SCLY: variants seen among roughly 807,000 people sequenced by gnomAD.
SCLY encodes the protein selenocysteine lyase.
A neutral mutation model predicts 50.1 loss-of-function variants in SCLY; 38 were observed. The observed-to-expected ratio is 0.76, with a 90% CI of 0.59 to 0.99. The LOEUF (loss-of-function observed/expected upper bound fraction) is 0.99, where lower values mean the gene tolerates loss of function less well. Ranked by LOEUF, SCLY falls within the 50% of genes least tolerant of loss-of-function variation. The pLI is 0.00. For missense variants in SCLY, 600 were observed against 620.0 expected, an observed-to-expected ratio of 0.97 and a Z score of 0.34; for synonymous variants, 243 against 249.4, an observed-to-expected ratio of 0.97 and a Z score of 0.24.
At chr2:238,091,552 T>TA in intron 8 of SCLY, 26 of 308,604 alleles carry the variant, frequency 8.4e-5, no homozygotes, top group East Asian at 2.5e-4. Flanking sequence ...AGGTTCACCA[T>TA]TCCCAAAGGC....
chr2:238,083,165 G>A lies in SCLY; in HGVS notation c.778-83G>A, dbSNP rs2065255874. ...CTATGCATTGCAGAGCATTTCTCCT[G>A]TGTGCCCCTAAGCACTTAGCATGTA... On this transcript the variant is annotated intron_variant, in intron 6 of 11. Transcript: ENST00000254663. This position sits in a 1 kb window ranked among gnomAD's most constrained non-coding sequence, Gnocchi z 4.3. 1.0e-6 allele frequency: 1 copy of A among 956,942 alleles called. No homozygotes were observed. Among genetic ancestry groups the A allele is most frequent in the East Asian group, 2.4e-5 (1 of 41,630 alleles). The allele number at this position is 956,942 out of a possible 1,614,324, so 59.3% of individuals were successfully genotyped here. A position where few individuals can be genotyped will look rare whatever the true frequency, so the allele number is the denominator to read the frequency against.
intron 11 of SCLY, 119 bp from the exon 12 acceptor site, chr2:238,098,083 G>A (rs746759045): frequency 2.3e-4 from 278 of 1,211,760 alleles, no homozygotes; most frequent in Non-Finnish European, 2.9e-4. Flanking sequence ...GATGCCAGGC[G>A]AGGCAGGCGC....
At chr2:238,062,017 T>G (rs552969534) in intron 1 of SCLY, among the ~76,000 whole-genome samples, 2 of 152,286 alleles carry the variant, frequency 1.3e-5, no homozygotes, top group African/African-American at 4.8e-5. Flanking sequence ...AGTGAAGGGA[T>G]CTGGGAAAAT....
intron 7 of SCLY, among the ~76,000 whole-genome samples, chr2:238,089,944 T>G (rs1390568485): frequency 6.6e-6 from 1 of 152,162 alleles, no homozygotes; most frequent in Admixed American, 6.5e-5. Flanking sequence ...ATTTAAAGCT[T>G]TTGCTCTGGG....
At chr2:238,070,410 G>A (rs1224016862) in intron 4 of SCLY, among the ~76,000 whole-genome samples, 3 of 152,146 alleles carry the variant, frequency 2.0e-5, no homozygotes, top group African/African-American at 7.2e-5. Context: ...TGGGCGCAGT[G>A]GCTCAAGCCT....
intron 4 of SCLY, among the ~76,000 whole-genome samples, chr2:238,071,610 C>G (rs2065128785): frequency 6.6e-6 from 1 of 152,040 alleles, no homozygotes; most frequent in South Asian, 2.1e-4. Context: ...GACACTGTCT[C>G]CAAAACAAAA....
At chr2:238,071,052 G>A (rs1451005138) in intron 4 of SCLY, among the ~76,000 whole-genome samples, 1 of 151,912 alleles carries the variant, frequency 6.6e-6, no homozygotes, top group Non-Finnish European at 1.5e-5. Flanking sequence ...GGCTGCTCTT[G>A]AACTCCTGAC....
rs2065110594 is a variant in SCLY at position 238,069,877 on chromosome 2, TG to T, written c.484+402del. 2 of 158,616 alleles carry T rather than the reference TG, an allele frequency of 1.3e-5. No homozygotes were observed. The highest frequency in any genetic ancestry group is 4.8e-5 in the African/African-American group (2 of 41,696). The allele number at this position is 158,616 out of a possible 1,614,324, so 9.8% of individuals were successfully genotyped here. A position where few individuals can be genotyped will look rare whatever the true frequency, so the allele number is the denominator to read the frequency against. Reference sequence around the variant, plus strand: ...TAGGCAAATGATGCTTGTCATTATTTGGTTTTCATCATAAAATCTCAGCTCC... The same window carrying T: ...TAGGCAAATGATGCTTGTCATTATTTGTTTTCATCATAAAATCTCAGCTCC... On this transcript the variant is annotated intron_variant, in intron 4 of 11. Transcript: ENST00000254663. This position sits in a 1 kb window ranked among gnomAD's most constrained non-coding sequence, Gnocchi z 5.0.
At chr2:238,090,990 A>G (rs1007020037) in intron 7 of SCLY, among the ~76,000 whole-genome samples, 9 of 152,260 alleles carry the variant, frequency 5.9e-5, no homozygotes, top group African/African-American at 1.9e-4. Flanking sequence ...TGAACACCCA[A>G]CACATCACCC....
Position 238,069,148 on chromosome 2 carries a change from A to G in SCLY, c.304-149A>G, listed in dbSNP as rs1009001702. 1.5e-6 allele frequency: 1 copy of G among 664,802 alleles called. No homozygotes were observed. The highest frequency in any genetic ancestry group is 2.5e-6 in the Non-Finnish European group (1 of 396,050). 41.2% of individuals were successfully genotyped at this position (664,802 alleles called of 1,614,324 possible). On this transcript the variant is annotated intron_variant, in intron 3 of 11. Transcript: ENST00000254663. The surrounding 1 kb of genome is among the most constrained non-coding windows in gnomAD (Gnocchi z 5.0). ...TGTTTTTGAATGTTGGAAAACCCCA[A>G]ATCTTTCAAAAGGTCCCACTCAGGA...
chr2:238,082,880 A>T (rs2065252481), intron 6 of SCLY: 1 of 322,208 alleles, frequency 3.1e-6, no homozygotes, highest in African/African-American at 2.2e-5. Flanking sequence ...GCCCTGGCCA[A>T]CCGCTGGTTC....
chr2:238,069,380 C>T lies in SCLY; in HGVS notation c.387C>T (p.Ser129=). Residue 129 remains serine (S), a synonymous_variant, in exon 4 of 12, where the codon AGC becomes AGT. Transcript: ENST00000254663. This position sits in a 1 kb window ranked among gnomAD's most constrained non-coding sequence, Gnocchi z 5.0. ...TSKGHTGGHH[S]PVKGAKPHFI... The stretch of plus-strand genomic sequence containing the variant: ...AGGGACACACAGGTGGGCACCACAG[C>T]CCAGTGAAGGGGGCCAAGCCCCATT... 1 of 1,614,180 alleles carries T rather than the reference C, an allele frequency of 6.2e-7. No individual in the cohort carries two copies. Among genetic ancestry groups the T allele is most frequent in the South Asian group, 1.1e-5 (1 of 91,068 alleles).
chr2:238,064,598 G>A (rs1450994348), intron 2 of SCLY, 129 bp downstream of exon 2: 2 of 526,644 alleles, frequency 3.8e-6, no homozygotes, highest in South Asian at 2.8e-5. Context: ...TTCTTGAGCT[G>A]TAATTTTTGA....
chr2:238,082,311 C>T, intron 6 of SCLY, 102 bp downstream of exon 6: 1 of 1,210,252 alleles, frequency 8.3e-7, no homozygotes, highest in Non-Finnish European at 1.1e-6. Flanking sequence ...TGAGCCAGGC[C>T]TTGGGGGCAC....
rs151161251 is a variant in SCLY, at chr2:238,068,123, G to T, written c.261G>T (p.Gly87=). The T allele has an allele frequency of 2.4e-5, 38 of 1,611,634 alleles. No homozygotes were observed. The African/African-American group carries it at 4.8e-4, about 20-fold the overall frequency. ...AARESLAKMI[G]GKPQDIIFTS... ...GGGAAAGCCTCGCGAAGATGATAGG[G>T]GGGAAACCTCAAGATATAATCTTCA... The change falls in exon 3 of 12, where the codon GGG becomes GGT. Residue 87 remains glycine, a synonymous_variant. Transcript: ENST00000254663.
chr2:238,063,241 GT>G (rs1361512556), intron 1 of SCLY, among the ~76,000 whole-genome samples: 1 of 145,662 alleles, frequency 6.9e-6, no homozygotes, highest in Non-Finnish European at 1.5e-5. Flanking sequence ...TTGTGGGTTT[GT>G]TTTTTTTGTT....
At position 238,082,135 on chromosome 2, in the gene SCLY, G is replaced by A; in HGVS notation, c.703G>A (p.Ala235Thr). Reference sequence around the variant, plus strand: ...TCCCATCCTCGTGCACACGGATGCTGCACAGGCCTTGGGGAAGCAGCGCGT... The same window carrying A: ...TCCCATCCTCGTGCACACGGATGCTACACAGGCCTTGGGGAAGCAGCGCGT... ...LPPILVHTDA[A>T]QALGKQRVDV... is the part of the protein sequence containing the mutation. The change falls in exon 6 of 12, where the codon GCA becomes ACA. Residue 235 changes from alanine to threonine, a missense_variant. Coordinates refer to ENST00000254663, the MANE Select transcript of SCLY (RefSeq NM_016510.7). 6.2e-7 allele frequency: 1 copy of A among 1,613,102 alleles called. No individual in the cohort carries two copies. The highest frequency in any genetic ancestry group is 1.9e-4 in the Middle Eastern group (1 of 5,142).
In SCLY at chr2:238,083,086, ACT is replaced by A. The variant is rs1458140028; in HGVS notation, c.778-159_778-158del. 3 of 705,440 alleles carry A rather than the reference ACT, an allele frequency of 4.3e-6. No homozygotes were observed. The South Asian group carries it at 4.5e-5, about 10-fold the overall frequency. 43.7% of individuals were successfully genotyped at this position (705,440 alleles called of 1,614,324 possible). A position where few individuals can be genotyped will look rare whatever the true frequency, so the allele number is the denominator to read the frequency against. On this transcript the variant is annotated intron_variant, in intron 6 of 11. Transcript: ENST00000254663. The surrounding 1 kb of genome is among the most constrained non-coding windows in gnomAD (Gnocchi z 4.3). Reference sequence around the variant, plus strand: ...CCACCCTGCCCCGAAGGCTTTTGTGACTCTGCGTGTCAAAAGGGGTGGCACTC... The same window carrying A: ...CCACCCTGCCCCGAAGGCTTTTGTGACTGCGTGTCAAAAGGGGTGGCACTC...
In SCLY at chr2:238,099,002, C is replaced by T; in HGVS notation, c.*647C>T. The T allele has an allele frequency of 3.0e-6, 1 of 338,062 alleles. No homozygotes were observed. Among genetic ancestry groups the T allele is most frequent in the Admixed American group, 4.2e-5 (1 of 24,038 alleles). 20.9% of individuals were successfully genotyped at this position (338,062 alleles called of 1,614,324 possible). ...GGCCTGCTCTGCTCAGCGCCCACCG[C>T]CCACCACCCCTCCTGCTTCCCCGAG... On this transcript the variant is annotated 3_prime_UTR_variant, in exon 12 of 12. Transcript: ENST00000254663.
Sources: allele counts gnomAD v4.1 joint callset (sites outside exome capture counted in the v4.1 genomes callset), GRCh38; gene constraint gnomAD v4.1.1; non-coding constraint Gnocchi (gnomAD v3.1); transcripts MANE v1.5; gene names NCBI Gene and HGNC (gene_info 2026-07-23, HGNC 2026-07-21).